The following ALDH2 variants were observed in gnomAD, a reference collection of about 807,000 sequenced individuals.
The protein encoded by ALDH2 is aldehyde dehydrogenase, mitochondrial.
In ALDH2, 44 loss-of-function variants were observed where a neutral mutation model predicts 59.6. That is an observed-to-expected ratio of 0.74 (90% CI 0.58 to 0.95). The LOEUF (loss-of-function observed/expected upper bound fraction) is 0.95. Among genes scored for constraint, ALDH2 ranks in the 40% least tolerant of loss-of-function variants. ALDH2 has a pLI of 0.00. For missense variants in ALDH2, 570 were observed against 696.3 expected (o/e 0.82, Z 2.04); for synonymous variants, 291 against 284.0 (o/e 1.02, Z -0.25).
rs1593094208 is a variant in ALDH2, at chr12:111,817,507, T to A, written c.*7932T>A. On this transcript the variant is annotated 3_prime_UTR_variant, in exon 13 of 13. Transcript: ENST00000261733. ...TCCTTCTTAGTTGCCAAAAAAGACA[T>A]AAGGATTAAAAAGACAAACCATAAA... 6.6e-6 allele frequency: 1 copy of A among 152,204 alleles called. No individual in the cohort carries two copies. Among genetic ancestry groups the A allele is most frequent in the Non-Finnish European group, 1.5e-5 (1 of 68,038 alleles). 9.4% of individuals were successfully genotyped at this position (152,204 alleles called of 1,614,324 possible).
At chr12:111,809,058 A>T (rs191578499) in intron 12 of ALDH2, among the ~76,000 whole-genome samples, 9 of 152,254 alleles carry the variant, frequency 5.9e-5, no homozygotes, top group Admixed American at 5.9e-4. Context: ...CCAAGAGGTG[A>T]TGTGGAGAAC....
At chr12:111,792,311 G>A in intron 8 of ALDH2, 148 bp downstream of exon 8, 1 of 722,436 alleles carries the variant, frequency 1.4e-6, no homozygotes, top group Non-Finnish European at 2.3e-6. Flanking sequence ...CGCAGGGCCT[G>A]CATGGCCTGG....
At chr12:111,808,095 G>C (rs1005969282) in intron 12 of ALDH2, among the ~76,000 whole-genome samples, 5 of 151,944 alleles carry the variant, frequency 3.3e-5, no homozygotes, top group Non-Finnish European at 7.4e-5. Flanking sequence ...GGCTGATCTC[G>C]AACTCCTGGC....
At chr12:111,807,645 C>T (rs754177007) in intron 12 of ALDH2, among the ~76,000 whole-genome samples, 7 of 152,040 alleles carry the variant, frequency 4.6e-5, no homozygotes, top group Non-Finnish European at 7.4e-5. Flanking sequence ...AAGAGAAGAA[C>T]GTACTAAACA....
chr12:111,768,256 G>A (rs142050144), intron 1 of ALDH2, among the ~76,000 whole-genome samples: 2 of 152,280 alleles, frequency 1.3e-5, no homozygotes, highest in East Asian at 1.9e-4. Flanking sequence ...AGGGACCACC[G>A]ATCCTCTGGG....
chr12:111,770,013 G>A lies in ALDH2; in HGVS notation c.114+2917G>A, dbSNP rs1043302191. 2.2e-4 allele frequency among the ~76,000 whole-genome samples: 33 copies of A among 151,940 alleles called. 1 individual carries two copies. The highest frequency in any genetic ancestry group is 5.6e-4 in the African/African-American group (23 of 41,350). ...ACAAAAATTAGCTGGGCATGGTGGC[G>A]CGCACCTGTAATCCCAGCTACTTGG... is the stretch of plus-strand genomic sequence containing the variant. On this transcript the variant is annotated intron_variant, in intron 1 of 12. Coordinates refer to ENST00000261733, the MANE Select transcript of ALDH2 (RefSeq NM_000690.4).
intron 9 of ALDH2, among the ~76,000 whole-genome samples, chr12:111,796,187 T>C (rs2068401979): frequency 6.6e-6 from 1 of 150,536 alleles, no homozygotes; most frequent in Non-Finnish European, 1.5e-5. Flanking sequence ...TTGGGCGTGG[T>C]GGTGGGCGCC....
intron 10 of ALDH2, 31 bp from the exon 11 acceptor site, chr12:111,799,875 C>T (rs1355556114): frequency 7.5e-6 from 12 of 1,593,648 alleles, no homozygotes; most frequent in South Asian, 3.4e-5. Flanking sequence ...TCCGTGTTGC[C>T]GAACCCTCCT....
chr12:111,798,386 C>T (rs2068422957), intron 10 of ALDH2, 144 bp downstream of exon 10: 1 of 820,278 alleles, frequency 1.2e-6, no homozygotes, highest in South Asian at 1.9e-5. Context: ...CCATAACACG[C>T]TATTCATAGT....
chr12:111,785,156 C>T (rs753675078), intron 3 of ALDH2, 111 bp from the exon 4 acceptor site: 1 of 845,414 alleles, frequency 1.2e-6, no homozygotes, highest in Non-Finnish European at 2.1e-6. Flanking sequence ...CGGACTCTCA[C>T]CCTGGGCTTG....
At position 111,789,844 on chromosome 12, in the gene ALDH2, T is replaced by TA. The variant is rs2068343203; in HGVS notation, c.464dup (p.Tyr156ValfsTer9). On this transcript the variant is annotated frameshift_variant, in exon 5 of 13. Transcript: ENST00000261733. LOFTEE classifies it high-confidence loss of function. ...AAAGGTATTATGCCGGCTGGGCTGA[T>TA]AAGTACCACGGGAAAACCATCCCCA... 3 of 1,614,170 alleles carry TA rather than the reference T, an allele frequency of 1.9e-6. No homozygotes were observed. In the East Asian group the frequency reaches 6.7e-5, roughly 36 times the overall value.
chr12:111,796,298 G>A (rs1206735459), intron 9 of ALDH2, among the ~76,000 whole-genome samples: 2 of 151,824 alleles, frequency 1.3e-5, no homozygotes, highest in Non-Finnish European at 2.9e-5. Context: ...CTCCAGCCTG[G>A]GTGACAGAGT....
rs2068564004 is a variant in ALDH2 at position 111,815,513 on chromosome 12, C to T, written c.*5938C>T. 6.6e-6 allele frequency: 1 copy of T among 152,018 alleles called. No homozygotes were observed. The highest frequency in any genetic ancestry group is 1.5e-5 in the Non-Finnish European group (1 of 68,010). The allele number at this position is 152,018 out of a possible 1,614,324, so 9.4% of individuals were successfully genotyped here. A position where few individuals can be genotyped will look rare whatever the true frequency, so the allele number is the denominator to read the frequency against. On this transcript the variant is annotated 3_prime_UTR_variant, in exon 13 of 13. Coordinates refer to ENST00000261733, the MANE Select transcript of ALDH2 (RefSeq NM_000690.4). The stretch of plus-strand genomic sequence containing the variant: ...TTAGAGTGAGAGCATAGATGTGATG[C>T]CTGGCGATATGGCTTACTTATGAGA...
intron 9 of ALDH2, among the ~76,000 whole-genome samples, chr12:111,792,984 T>C (rs2068375302): frequency 6.6e-6 from 1 of 152,078 alleles, no homozygotes; most frequent in South Asian, 2.1e-4. Flanking sequence ...ACAGGGTGGC[T>C]GTGATGTAGA....
chr12:111,767,499 C>G (rs956442194), intron 1 of ALDH2, among the ~76,000 whole-genome samples: 3 of 152,312 alleles, frequency 2.0e-5, no homozygotes, highest in Middle Eastern at 3.4e-3. Context: ...CCCTTTACCC[C>G]CTGACTCATG....
chr12:111,794,921 TCACCACTAATTCTATAATATTGTCATTG>T (rs1031358980), intron 9 of ALDH2, among the ~76,000 whole-genome samples: 2 of 152,200 alleles, frequency 1.3e-5, no homozygotes, highest in African/African-American at 4.8e-5. Flanking sequence ...TGTGCAACCA[TCACCACTAATTCTATAATATTGTCATTG>T]CCTCCCCTAA....
intron 1 of ALDH2, among the ~76,000 whole-genome samples, chr12:111,769,646 C>G (rs1485662373): frequency 6.6e-6 from 1 of 151,678 alleles, no homozygotes; most frequent in Non-Finnish European, 1.5e-5. Context: ...GAACAATGTA[C>G]CTGGGTTATC....
At chr12:111,776,269 G>A (rs1018863704) in intron 1 of ALDH2, among the ~76,000 whole-genome samples, 7 of 152,100 alleles carry the variant, frequency 4.6e-5, no homozygotes, top group Non-Finnish European at 1.0e-4. Flanking sequence ...CCTGGCCCTC[G>A]CTCCTAAGAA....
rs2068357527 is a variant in ALDH2 at position 111,791,322 on chromosome 12, G to A, written c.698G>A (p.Gly233Asp). 6.2e-7 allele frequency: 1 copy of A among 1,613,876 alleles called. No individual in the cohort carries two copies. Among genetic ancestry groups the A allele is most frequent in the African/African-American group, 1.3e-5 (1 of 74,918 alleles). The change falls in exon 7 of 13, where the codon GGT becomes GAT. Residue 233 changes from glycine to aspartate, a missense_variant. Physicochemically the swap from Gly to Asp is moderately conservative, Grantham distance 94 (BLOSUM62 -1). Transcript: ENST00000261733. ...NLIKEAGFPP[G>D]VVNIVPGFGP... The stretch of plus-strand genomic sequence containing the variant: ...TGCTCACAGGCTGGCTTTCCCCCTG[G>A]TGTGGTCAACATTGTGCCTGGATTT...
Sources: allele counts gnomAD v4.1 joint callset (sites outside exome capture counted in the v4.1 genomes callset), GRCh38; gene constraint gnomAD v4.1.1; transcripts MANE v1.5; gene names NCBI Gene and HGNC (gene_info 2026-07-23, HGNC 2026-07-21).